The following ZNF333 variants were observed in gnomAD, a reference collection of about 807,000 sequenced individuals.
ZNF333 encodes the protein zinc finger protein 333.
A neutral mutation model predicts 76.1 loss-of-function variants in ZNF333; 61 were observed. That is an observed-to-expected ratio of 0.80 (90% CI 0.65 to 0.99). The LOEUF (loss-of-function observed/expected upper bound fraction) is 0.99. Among genes scored for constraint, ZNF333 ranks in the 50% least tolerant of loss-of-function variants. ZNF333 has a pLI of 0.00. For synonymous variants in ZNF333, 284 were observed against 305.0 expected (o/e 0.93, Z 0.72); for missense variants, 717 against 822.4 (o/e 0.87, Z 1.57).
chr19:14,698,221 A>C (rs1026151883), intron 4 of ZNF333, among the ~76,000 whole-genome samples: 10 of 151,980 alleles, frequency 6.6e-5, no homozygotes, highest in Non-Finnish European at 1.2e-4. Context: ...TAAAAATACA[A>C]AAATTAGCCT....
In ZNF333 at chr19:14,705,164, A is replaced by G; in HGVS notation, c.417A>G (p.Gly139=). The change falls in exon 6 of 12, where the codon GGA becomes GGG. Residue 139 remains glycine, a synonymous_variant. Coordinates refer to ENST00000292530, the MANE Select transcript of ZNF333 (RefSeq NM_032433.4). ...PALQEPPWSL[G]CTGLKAAMQI... is the part of the protein sequence containing the mutation. ...TCCAGGAGCCGCCTTGGTCTCTGGG[A>G]TGCACGGTAAGCCTGGGAGAGGTTC... The G allele has an allele frequency of 6.2e-7, 1 of 1,613,022 alleles. No individual in the cohort carries two copies. The highest frequency in any genetic ancestry group is 8.5e-7 in the Non-Finnish European group (1 of 1,179,648).
At chr19:14,722,360 G>C (rs1253870245), downstream of ZNF333, among the ~76,000 whole-genome samples, 1 of 152,226 alleles carries the variant, frequency 6.6e-6, no homozygotes, top group African/African-American at 2.4e-5. Flanking sequence ...AGAAGCAGAG[G>C]CTGGAAGAAC....
At chr19:14,714,971 C>T in intron 7 of ZNF333, 1 of 169,164 alleles carries the variant, frequency 5.9e-6, no homozygotes, top group Non-Finnish European at 1.3e-5. Flanking sequence ...GTGGGGGCTG[C>T]AGGAGCTTTG....
chr19:14,725,372 C>T (rs1331248519), downstream of ZNF333, among the ~76,000 whole-genome samples: 1 of 152,112 alleles, frequency 6.6e-6, no homozygotes, highest in Non-Finnish European at 1.5e-5. Context: ...TATTATTCTG[C>T]CCCTGCCCCT....
rs760325577 is a variant in ZNF333 at position 14,716,975 on chromosome 19, G to GT, written c.728-12dup. On this transcript the variant is annotated intron_variant, in intron 9 of 11. Transcript: ENST00000292530. ...ATGGCACAGTCCTCGCACAACATGT[G>GT]TTTTTTTCTCATGAGCAGCTGATCA... The GT allele has an allele frequency of 3.7e-6, 6 of 1,602,622 alleles. No homozygotes were observed. Among genetic ancestry groups the GT allele is most frequent in the Admixed American group, 3.4e-5 (2 of 59,048 alleles).
chr19:14,708,168 C>T (rs140180448), intron 7 of ZNF333: 596 of 391,210 alleles, frequency 1.5e-3, no homozygotes, highest in African/African-American at 5.4e-3. Context: ...CTACCATGCC[C>T]GGCTAATTTT....
downstream of ZNF333, among the ~76,000 whole-genome samples, chr19:14,725,871 T>A (rs182082917): frequency 3.3e-5 from 5 of 152,290 alleles, no homozygotes; most frequent in East Asian, 9.7e-4. Flanking sequence ...AAGCTGCCAG[T>A]GAATCTACCA....
intron 7 of ZNF333, chr19:14,714,769 G>C (rs1208096942): frequency 6.5e-6 from 1 of 153,076 alleles, no homozygotes; most frequent in Non-Finnish European, 1.5e-5. Flanking sequence ...GCAGAGCGAG[G>C]AGTGGTGTTG....
At chr19:14,708,050 T>C (rs2042166260) in intron 7 of ZNF333, 2 of 391,424 alleles carry the variant, frequency 5.1e-6, no homozygotes, top group Non-Finnish European at 9.1e-6. Context: ...CTCTGTCACC[T>C]GGGCTGGAGT....
intron 7 of ZNF333, chr19:14,707,803 G>A (rs893054694): frequency 3.1e-5 from 10 of 326,492 alleles, no homozygotes; most frequent in African/African-American, 1.7e-4. Context: ...CGCCCGCCTC[G>A]GCCTCCCAAA....
At chr19:14,695,284 C>T (rs1466272051) in intron 3 of ZNF333, 151 bp downstream of exon 3, 2 of 1,243,412 alleles carry the variant, frequency 1.6e-6, no homozygotes, top group Non-Finnish European at 2.2e-6. Context: ...TGACTTCTTT[C>T]CCTCTGTAGT....
intron 7 of ZNF333, 111 bp from the exon 8 acceptor site, chr19:14,715,271 G>A: frequency 3.8e-6 from 3 of 798,230 alleles, no homozygotes; most frequent in South Asian, 3.2e-5. Flanking sequence ...GTGTGTGCAT[G>A]TGTGTGTGTA....
intron 7 of ZNF333, among the ~76,000 whole-genome samples, chr19:14,712,768 CA>C (rs2042315584): frequency 6.6e-6 from 1 of 152,090 alleles, no homozygotes; most frequent in African/African-American, 2.4e-5. Flanking sequence ...TTAGGAGAAC[CA>C]TCATATTGGA....
chr19:14,698,935 T>TATATGTATACAC (rs1180611568), intron 4 of ZNF333, among the ~76,000 whole-genome samples: 4 of 139,332 alleles, frequency 2.9e-5, no homozygotes, highest in African/African-American at 1.1e-4. Context: ...TATATATATA[T>TATATGTATACAC]ACACACATAT....
At chr19:14,698,245 G>A (rs984412905) in intron 4 of ZNF333, among the ~76,000 whole-genome samples, 2 of 151,816 alleles carry the variant, frequency 1.3e-5, no homozygotes, top group Admixed American at 1.3e-4. Flanking sequence ...ATGGTGGTGC[G>A]CGCCTGTAAT....
intron 1 of ZNF333, among the ~76,000 whole-genome samples, chr19:14,691,676 CTTT>C (rs71166784): frequency 5.7e-5 from 7 of 121,974 alleles, no homozygotes; most frequent in Admixed American, 8.8e-5. Context: ...GTCATATTGT[CTTT>C]TTTTTTTTTT....
Position 14,716,097 on chromosome 19 carries a change from G to A in ZNF333, c.601-15G>A, listed in dbSNP as rs1479368193. 2 of 1,613,912 alleles carry A rather than the reference G, an allele frequency of 1.2e-6. No individual in the cohort carries two copies. Among genetic ancestry groups the A allele is most frequent in the Non-Finnish European group, 1.7e-6 (2 of 1,179,896 alleles). ...GGGTGGTCCCTGGCTGAGCCGGGAT[G>A]GATGTGTGTTTTAGGAACCAGTCAC... On this transcript the variant is annotated splice_polypyrimidine_tract_variant and intron_variant, in intron 8 of 11. Transcript: ENST00000292530.
chr19:14,708,440 C>A lies in ZNF333; in HGVS notation c.511+1667C>A, dbSNP rs927199188. 6 of 401,014 alleles carry A rather than the reference C, an allele frequency of 1.5e-5. No individual in the cohort carries two copies. The East Asian group carries it at 2.1e-4, about 14-fold the overall frequency. 24.8% of individuals were successfully genotyped at this position (401,014 alleles called of 1,614,324 possible). ...CACGGTCAGCTGGGTGGTCAGAGTTCGAAATGAATAACAGAGTCCAGTGGA... is the reference window on the plus strand; with the variant it reads ...CACGGTCAGCTGGGTGGTCAGAGTTAGAAATGAATAACAGAGTCCAGTGGA... On this transcript the variant is annotated intron_variant, in intron 7 of 11. Coordinates refer to ENST00000292530, the MANE Select transcript of ZNF333 (RefSeq NM_032433.4).
chr19:14,694,861 C>A, intron 2 of ZNF333, 149 bp from the exon 3 acceptor site: 1 of 1,292,426 alleles, frequency 7.7e-7, no homozygotes, highest in Non-Finnish European at 1.1e-6. Flanking sequence ...GGCTGTGTGC[C>A]AAGAAAACAT....
Sources: allele counts gnomAD v4.1 joint callset (sites outside exome capture counted in the v4.1 genomes callset), GRCh38; gene constraint gnomAD v4.1.1; transcripts MANE v1.5; gene names NCBI Gene and HGNC (gene_info 2026-07-23, HGNC 2026-07-21).